The following KIF13A variants were observed in gnomAD, a reference collection of about 807,000 sequenced individuals.
KIF13A encodes kinesin family member 13A, also known as kinesin-like protein KIF13A.
In KIF13A, 79 loss-of-function variants were observed where a neutral mutation model predicts 212.2. That is an observed-to-expected ratio of 0.37 (90% CI 0.31 to 0.45). The LOEUF (loss-of-function observed/expected upper bound fraction) is 0.45, where lower values mean the gene tolerates loss of function less well. KIF13A is among the 20% of genes least tolerant of loss of function. KIF13A has a pLI of 1.00. For missense variants in KIF13A, 1,901 were observed against 2,209.0 expected, an observed-to-expected ratio of 0.86 and a Z score of 2.79; for synonymous variants, 789 against 808.6, an observed-to-expected ratio of 0.98 and a Z score of 0.41.
In KIF13A at chr6:17,845,508, T is replaced by C. The variant is rs9396813; in HGVS notation, c.830+3869A>G. ...TTAACCACAGGAATTGAAATAGGAA[T>C]GAGACTGGGAACGATACCCATTAGA... is the stretch of plus-strand genomic sequence containing the variant. On this transcript the variant is annotated intron_variant, in intron 9 of 38. Transcript: ENST00000259711. 9.2e-3 allele frequency among the ~76,000 whole-genome samples: 1,401 copies of C among 152,320 alleles called. 89 individuals are homozygous for C. In the East Asian group the frequency reaches 0.18, roughly 19 times the overall value.
At chr6:17,948,129 T>C (rs1777562845) in intron 2 of KIF13A, among the ~76,000 whole-genome samples, 2 of 152,176 alleles carry the variant, frequency 1.3e-5, no homozygotes, top group African/African-American at 4.8e-5. Flanking sequence ...TTCTATTTTG[T>C]TTTTATTTTA....
intron 2 of KIF13A, among the ~76,000 whole-genome samples, chr6:17,909,862 C>A (rs769460814): frequency 6.6e-5 from 10 of 151,874 alleles, no homozygotes. Context: ...TCTAGCCTGG[C>A]GACAGAGTGA....
intron 34 of KIF13A, among the ~76,000 whole-genome samples, chr6:17,775,312 A>G (rs1465607473): frequency 6.6e-6 from 1 of 152,198 alleles, no homozygotes; most frequent in Admixed American, 6.5e-5. Flanking sequence ...TATGCTTCAC[A>G]TAAGTGGTAT....
chr6:17,927,879 A>G (rs1775622661), intron 2 of KIF13A, among the ~76,000 whole-genome samples: 1 of 152,208 alleles, frequency 6.6e-6, no homozygotes, highest in Non-Finnish European at 1.5e-5. Context: ...GAGCCCGTGC[A>G]GCACCAGAGC....
chr6:17,764,263 A>G lies in KIF13A; in HGVS notation c.5265T>C (p.Ala1755=). 6.2e-7 allele frequency: 1 copy of G among 1,614,024 alleles called. No homozygotes were observed. Among genetic ancestry groups the G allele is most frequent in the Non-Finnish European group, 8.5e-7 (1 of 1,179,882 alleles). The change falls in exon 39 of 39, where the codon GCT becomes GCC. Residue 1755 remains alanine (A), a synonymous_variant. Transcript: ENST00000259711. This position sits in a 1 kb window ranked among gnomAD's most constrained non-coding sequence, Gnocchi z 5.1. ...KDFDGLTDSS[A]GELSSRRSLP... The stretch of plus-strand genomic sequence containing the variant: ...GACTCCTCCTACTGGAAAGCTCTCC[A>G]GCAGAAGAATCTGTCAAACCATCAA...
At position 17,914,204 on chromosome 6, in the gene KIF13A, A is replaced by G. The variant is rs748256398; in HGVS notation, c.147-16024T>C. Among the ~76,000 whole-genome samples the G allele has an allele frequency of 2.0e-5, 3 of 152,234 alleles. No individual in the cohort carries two copies. The highest frequency in any genetic ancestry group is 1.9e-4 in the East Asian group (1 of 5,204). ...CAAGTACCCATTACTAAATGCCAGA[A>G]TAAGTGAAACATTTTAAATTTTTAT... On this transcript the variant is annotated intron_variant, in intron 2 of 38. Coordinates refer to ENST00000259711, the MANE Select transcript of KIF13A (RefSeq NM_022113.6). This position sits in a 1 kb window ranked among gnomAD's most constrained non-coding sequence, Gnocchi z 5.9.
intron 18 of KIF13A, among the ~76,000 whole-genome samples, chr6:17,807,785 T>TA (rs1470795782): frequency 6.6e-6 from 1 of 152,196 alleles, no homozygotes; most frequent in Non-Finnish European, 1.5e-5. Flanking sequence ...GTCCTACCGA[T>TA]ATGTGATGTC....
rs766434917 is a variant in KIF13A at position 17,787,885 on chromosome 6, G to A, written c.3262-10C>T. The A allele has an allele frequency of 3.9e-6, 6 of 1,521,558 alleles. No individual in the cohort carries two copies. The South Asian group carries it at 6.7e-5, about 17-fold the overall frequency. The allele number at this position is 1,521,558 out of a possible 1,614,324, so 94.3% of individuals were successfully genotyped here. A position where few individuals can be genotyped will look rare whatever the true frequency, so the allele number is the denominator to read the frequency against. ...AGTTTAAGTCTTCTTCCTAACATCA[G>A]GGAGGGAAAATATTTTCCTGTAGAC... On this transcript the variant is annotated splice_polypyrimidine_tract_variant and intron_variant, in intron 26 of 38. Transcript: ENST00000259711. This position sits in a 1 kb window ranked among gnomAD's most constrained non-coding sequence, Gnocchi z 4.6.
rs1270833443 is a variant in KIF13A, at chr6:17,971,899, T to C, written c.146+15155A>G. ...AAAACCAAAACTAGTTAAATAATAA[T>C]CTAGCTAGAGAGCTTAAAAAAAATG... On this transcript the variant is annotated intron_variant, in intron 2 of 38. Transcript: ENST00000259711. This position sits in a 1 kb window ranked among gnomAD's most constrained non-coding sequence, Gnocchi z 4.2. 2.6e-5 allele frequency among the ~76,000 whole-genome samples: 4 copies of C among 152,130 alleles called. No homozygotes were observed. The highest frequency in any genetic ancestry group is 2.6e-4 in the Admixed American group (4 of 15,264).
Position 17,777,228 on chromosome 6 carries a change from A to T in KIF13A, c.4170+49T>A, listed in dbSNP as rs781542624. Reference sequence around the variant, plus strand: ...TGAATCCCACCTTCCCCCACCCCAGAGGCTGCGACATGTCACATAGGAGCA... The same window carrying T: ...TGAATCCCACCTTCCCCCACCCCAGTGGCTGCGACATGTCACATAGGAGCA... On this transcript the variant is annotated intron_variant, in intron 34 of 38. Transcript: ENST00000259711. The surrounding 1 kb of genome is among the most constrained non-coding windows in gnomAD (Gnocchi z 4.4). 3 of 1,456,218 alleles carry T rather than the reference A, an allele frequency of 2.1e-6. No homozygotes were observed. Among genetic ancestry groups the T allele is most frequent in the East Asian group, 2.3e-5 (1 of 43,060 alleles). The allele number at this position is 1,456,218 out of a possible 1,614,324, so 90.2% of individuals were successfully genotyped here. A position where few individuals can be genotyped will look rare whatever the true frequency, so the allele number is the denominator to read the frequency against.
intron 9 of KIF13A, among the ~76,000 whole-genome samples, chr6:17,845,749 T>C (rs1766964311): frequency 6.6e-6 from 1 of 152,242 alleles, no homozygotes; most frequent in Admixed American, 6.5e-5. Context: ...CCTGTGAAGA[T>C]GGTCCACAGA....
chr6:17,841,160 C>T (rs1228939918), intron 9 of KIF13A, among the ~76,000 whole-genome samples: 1 of 151,604 alleles, frequency 6.6e-6, no homozygotes, highest in East Asian at 1.9e-4. Flanking sequence ...GCAGCCTCAA[C>T]CTCCCAGGCT....
In KIF13A at chr6:17,843,744, G is replaced by T. The variant is rs1766743562; in HGVS notation, c.830+5633C>A. ...TGCTTAGAGCAGAATGCAATCCCTG[G>T]CTTTGAAATAATTAGTTGAGGCTGG... On this transcript the variant is annotated intron_variant, in intron 9 of 38. Transcript: ENST00000259711. The surrounding 1 kb of genome is among the most constrained non-coding windows in gnomAD (Gnocchi z 5.3). 6.6e-6 allele frequency among the ~76,000 whole-genome samples: 1 copy of T among 152,116 alleles called. No homozygotes were observed. Among genetic ancestry groups the T allele is most frequent in the African/African-American group, 2.4e-5 (1 of 41,434 alleles).
chr6:17,847,486 A>G (rs894790293), intron 9 of KIF13A, among the ~76,000 whole-genome samples: 3 of 152,174 alleles, frequency 2.0e-5, no homozygotes, highest in South Asian at 2.1e-4. Context: ...TTTTACTTCT[A>G]ATTTTTAAAC....
intron 33 of KIF13A, among the ~76,000 whole-genome samples, chr6:17,778,526 TAGTA>T (rs1305644693): frequency 1.3e-5 from 2 of 152,216 alleles, no homozygotes; most frequent in African/African-American, 4.8e-5. Context: ...ATTAGGGAGA[TAGTA>T]AGTCTGTGTT....
intron 16 of KIF13A, among the ~76,000 whole-genome samples, chr6:17,819,116 C>T (rs955152750): frequency 6.6e-6 from 1 of 151,226 alleles, no homozygotes; most frequent in African/African-American, 2.4e-5. Flanking sequence ...TCTCCTGCCT[C>T]GGCCTCCCCA....
Position 17,984,792 on chromosome 6 carries a change from G to A in KIF13A, c.146+2262C>T, listed in dbSNP as rs922466101. ...CTCTTACACTTCAAACCTTGGACTT[G>A]CAGATATGAAAAATAATAACATTCT... is the stretch of plus-strand genomic sequence containing the variant. On this transcript the variant is annotated intron_variant, in intron 2 of 38. Transcript: ENST00000259711. The surrounding 1 kb of genome is among the most constrained non-coding windows in gnomAD (Gnocchi z 5.0). 1.3e-5 allele frequency among the ~76,000 whole-genome samples: 2 copies of A among 152,162 alleles called. No homozygotes were observed. The highest frequency in any genetic ancestry group is 2.9e-5 in the Non-Finnish European group (2 of 68,022).
intron 2 of KIF13A, among the ~76,000 whole-genome samples, chr6:17,943,794 G>A (rs1777150076): frequency 6.6e-6 from 1 of 152,128 alleles, no homozygotes; most frequent in South Asian, 2.1e-4. Flanking sequence ...GTGGAAGTGC[G>A]TGGCATGCAA....
intron 2 of KIF13A, among the ~76,000 whole-genome samples, chr6:17,943,581 T>C (rs1014130849): frequency 2.0e-5 from 3 of 152,048 alleles, no homozygotes; most frequent in Non-Finnish European, 4.4e-5. Context: ...GAGTGGAGGC[T>C]GAGAATGTGC....
Sources: gnomAD v4.1 joint callset for allele counts (sites outside exome capture counted in the v4.1 genomes callset) on GRCh38, gnomAD v4.1.1 for gene constraint, Gnocchi (gnomAD v3.1) non-coding constraint, MANE v1.5 for transcripts, NCBI Gene and HGNC (gene_info 2026-07-23, HGNC 2026-07-21) for gene names.